DUSP5: variants seen among roughly 807,000 people sequenced by gnomAD.
The protein encoded by DUSP5 is dual specificity phosphatase 5, also known as dual specificity protein phosphatase 5.
A neutral mutation model predicts 33.6 loss-of-function variants in DUSP5; 22 were observed. The ratio of observed to expected loss-of-function variants is 0.66; its 90% CI spans 0.47 to 0.94. The LOEUF (loss-of-function observed/expected upper bound fraction) is 0.94. Among genes scored for constraint, DUSP5 ranks in the 40% least tolerant of loss-of-function variants. DUSP5 has a pLI of 0.00. For missense variants in DUSP5, 551 were observed against 522.1 expected, an observed-to-expected ratio of 1.06 and a Z score of -0.54; for synonymous variants, 270 against 231.1, an observed-to-expected ratio of 1.17 and a Z score of -1.53.
intron 1 of DUSP5, among the ~76,000 whole-genome samples, chr10:110,500,558 C>T (rs990446469): frequency 3.3e-5 from 5 of 152,182 alleles, no homozygotes; most frequent in African/African-American, 4.8e-5. Flanking sequence ...GGGGCAATGC[C>T]TTTTGACACT....
chr10:110,499,619 G>C (rs958067415), intron 1 of DUSP5, among the ~76,000 whole-genome samples: 1 of 152,204 alleles, frequency 6.6e-6, no homozygotes, highest in African/African-American at 2.4e-5. Flanking sequence ...AGATTCTGGA[G>C]ACAGTTCCCC....
intron 1 of DUSP5, among the ~76,000 whole-genome samples, chr10:110,500,541 C>T (rs1860031976): frequency 1.3e-5 from 2 of 152,242 alleles, no homozygotes; most frequent in Non-Finnish European, 1.5e-5. Flanking sequence ...CATCTCAGAT[C>T]TTGGTGGGGG....
rs1860167120 is a variant in DUSP5 at position 110,510,048 on chromosome 10, C to T, written c.777C>T (p.Val259=). The part of the protein sequence containing the change: ...IDCVREKGGK[V]LVHCEAGISR... Reference sequence around the variant, plus strand: ...GTGTCAGGGAAAAGGGAGGCAAGGTCCTGGTCCACTGTGAGGCTGGGATCT... The same window carrying T: ...GTGTCAGGGAAAAGGGAGGCAAGGTTCTGGTCCACTGTGAGGCTGGGATCT... Residue 259 remains valine (V), a synonymous_variant, in exon 4 of 4, where the codon GTC becomes GTT. Transcript: ENST00000369583. The T allele has an allele frequency of 4.3e-6, 7 of 1,609,822 alleles. No individual in the cohort carries two copies. Among genetic ancestry groups the T allele is most frequent in the Non-Finnish European group, 5.9e-6 (7 of 1,176,958 alleles).
chr10:110,504,144 G>A (rs1353727200), intron 2 of DUSP5, among the ~76,000 whole-genome samples: 1 of 152,206 alleles, frequency 6.6e-6, no homozygotes, highest in Non-Finnish European at 1.5e-5. Context: ...TGTTTGGGTT[G>A]TGTTTTCCCC....
chr10:110,509,994 C>G (rs372005583), intron 3 of DUSP5, 26 bp from the exon 4 acceptor site: 12 of 1,555,872 alleles, frequency 7.7e-6, no homozygotes, highest in Non-Finnish European at 1.0e-5. Flanking sequence ...TCCCAACTCA[C>G]TCCCACCATC....
chr10:110,507,990 AC>A (rs2134663810), intron 3 of DUSP5, among the ~76,000 whole-genome samples: 1 of 152,234 alleles, frequency 6.6e-6, no homozygotes, highest in South Asian at 2.1e-4. Flanking sequence ...TCTTTAACAT[AC>A]GTAGTTGTTG....
At position 110,506,935 on chromosome 10, in the gene DUSP5, G is replaced by T; in HGVS notation, c.529G>T (p.Gly177Cys). Residue 177 changes from glycine (G) to cysteine (C), a missense_variant and splice_region_variant, in exon 3 of 4, where the codon GGT becomes TGT. Coordinates refer to ENST00000369583, the MANE Select transcript of DUSP5 (RefSeq NM_004419.4). The stretch of plus-strand genomic sequence containing the variant: ...GATTGTCCTTTGTCCCTGCATCCAG[G>T]GTGGCCCAGTTGAAATCCTTCCCTT... ...NVSYRPAYDQ[G>C]GPVEILPFLY... 1 of 1,614,178 alleles carries T rather than the reference G, an allele frequency of 6.2e-7. No individual in the cohort carries two copies. The highest frequency in any genetic ancestry group is 8.5e-7 in the Non-Finnish European group (1 of 1,179,984).
Position 110,498,339 on chromosome 10 carries a change from C to G in DUSP5, c.218C>G (p.Ala73Gly), listed in dbSNP as rs1554877211. The G allele has an allele frequency of 7.5e-7, 1 of 1,339,808 alleles. No individual in the cohort carries two copies. Among genetic ancestry groups the G allele is most frequent in the African/African-American group, 1.5e-5 (1 of 65,762 alleles). 83.0% of individuals were successfully genotyped at this position (1,339,808 alleles called of 1,614,324 possible). Residue 73 changes from alanine (A) to glycine (G), a missense_variant, in exon 1 of 4, where the codon GCG (alanine) becomes GGG (glycine). Transcript: ENST00000369583. ...GTGCTGCCCGACGAGGCGGCGCGCGCGCGGCTCCTGCAGGAGGGCGGCGGC... is the reference window on the plus strand; with the variant it reads ...GTGCTGCCCGACGAGGCGGCGCGCGGGCGGCTCCTGCAGGAGGGCGGCGGC... ...RYVLPDEAAR[A>G]RLLQEGGGGV...
chr10:110,509,893 G>C, intron 3 of DUSP5, 127 bp from the exon 4 acceptor site: 1 of 1,269,372 alleles, frequency 7.9e-7, no homozygotes, highest in Non-Finnish European at 1.1e-6. Flanking sequence ...GTGTAGTGTA[G>C]GGCCGTGGCT....
Position 110,498,335 on chromosome 10 carries a change from C to G in DUSP5, c.214C>G (p.Arg72Gly). The G allele has an allele frequency of 7.5e-7, 1 of 1,338,468 alleles. No homozygotes were observed. Among genetic ancestry groups the G allele is most frequent in the Non-Finnish European group, 9.5e-7 (1 of 1,048,746 alleles). 82.9% of individuals were successfully genotyped at this position (1,338,468 alleles called of 1,614,324 possible). The change falls in exon 1 of 4, where the codon CGC becomes GGC. Residue 72 changes from arginine (R) to glycine (G), a missense_variant. Coordinates refer to ENST00000369583, the MANE Select transcript of DUSP5 (RefSeq NM_004419.4). ...ARYVLPDEAA[R>G]ARLLQEGGGG... ...CTACGTGCTGCCCGACGAGGCGGCG[C>G]GCGCGCGGCTCCTGCAGGAGGGCGG...
At chr10:110,502,324 G>T (rs1590516039) in intron 1 of DUSP5, among the ~76,000 whole-genome samples, 1 of 152,150 alleles carries the variant, frequency 6.6e-6, no homozygotes, top group Non-Finnish European at 1.5e-5. Flanking sequence ...GCCACTTCAG[G>T]AGCCTGTCTT....
Position 110,500,387 on chromosome 10 carries a change from G to T in DUSP5, c.379+1887G>T, listed in dbSNP as rs74158105. ...TAAATCATGAGAATTGCCAGGTCAAGAATTACATGCATTTTAAGTTTCAGT... is the reference window on the plus strand; with the variant it reads ...TAAATCATGAGAATTGCCAGGTCAATAATTACATGCATTTTAAGTTTCAGT... On this transcript the variant is annotated intron_variant, in intron 1 of 3. Coordinates refer to ENST00000369583, the MANE Select transcript of DUSP5 (RefSeq NM_004419.4). Among the ~76,000 whole-genome samples, 489 of 152,332 alleles carry T rather than the reference G, an allele frequency of 3.2e-3. 5 individuals carry two copies. Among genetic ancestry groups the T allele is most frequent in the African/African-American group, 0.011 (472 of 41,574 alleles).
chr10:110,507,259 T>C, intron 3 of DUSP5, 105 bp downstream of exon 3: 1 of 1,193,290 alleles, frequency 8.4e-7, no homozygotes, highest in Non-Finnish European at 1.2e-6. Flanking sequence ...AAGAAAAGTG[T>C]CTTGTATATG....
At chr10:110,501,773 AT>A (rs1564772845) in intron 1 of DUSP5, among the ~76,000 whole-genome samples, 1 of 152,146 alleles carries the variant, frequency 6.6e-6, no homozygotes, top group Non-Finnish European at 1.5e-5. Context: ...AGCCCTTGGC[AT>A]TCTGAGGGTT....
chr10:110,505,315 T>C (rs993358620), intron 2 of DUSP5, among the ~76,000 whole-genome samples: 4 of 152,132 alleles, frequency 2.6e-5, no homozygotes, highest in Non-Finnish European at 5.9e-5. Flanking sequence ...ATCCGTAAAA[T>C]GGGAATAATG....
rs549377029 is a variant in DUSP5 at position 110,502,200 on chromosome 10, G to A, written c.380-521G>A. Among the ~76,000 whole-genome samples the A allele has an allele frequency of 2.9e-3, 442 of 152,314 alleles. 1 individual carries two copies. The highest frequency in any genetic ancestry group is 4.7e-3 in the Non-Finnish European group (321 of 68,026). Reference sequence around the variant, plus strand: ...TAGCACCTTGGGAGTGAGAAGCAGTGAGGCTGTTTTACTGCCCTGAGTCGA... The same window carrying A: ...TAGCACCTTGGGAGTGAGAAGCAGTAAGGCTGTTTTACTGCCCTGAGTCGA... On this transcript the variant is annotated intron_variant, in intron 1 of 3. Transcript: ENST00000369583.
Position 110,498,071 on chromosome 10 carries a change from G to A in DUSP5, c.-51G>A. The A allele has an allele frequency of 8.8e-7, 1 of 1,138,850 alleles. No individual in the cohort carries two copies. Among genetic ancestry groups the A allele is most frequent in the Non-Finnish European group, 1.1e-6 (1 of 935,302 alleles). The allele number at this position is 1,138,850 out of a possible 1,614,324, so 70.5% of individuals were successfully genotyped here. Reference sequence around the variant, plus strand: ...CCTGGCCGTGGACACCCTGGCCGTGGGCACCCGCGGGGCGCGCGGCGCGGG... The same window carrying A: ...CCTGGCCGTGGACACCCTGGCCGTGAGCACCCGCGGGGCGCGCGGCGCGGG... On this transcript the variant is annotated 5_prime_UTR_variant, in exon 1 of 4. Transcript: ENST00000369583.
At chr10:110,504,249 T>A (rs1195243655) in intron 2 of DUSP5, among the ~76,000 whole-genome samples, 1 of 152,256 alleles carries the variant, frequency 6.6e-6, no homozygotes, top group Non-Finnish European at 1.5e-5. Context: ...AAAGCCCTGA[T>A]GTGTCTTCAA....
intron 3 of DUSP5, 64 bp from the exon 4 acceptor site, chr10:110,509,956 G>C (rs1159404640): frequency 6.6e-7 from 1 of 1,521,092 alleles, no homozygotes; most frequent in Non-Finnish European, 8.8e-7. Flanking sequence ...TTTGATTCTT[G>C]TGTTTTGCCA....
Sources: allele counts gnomAD v4.1 joint callset (sites outside exome capture counted in the v4.1 genomes callset), GRCh38; gene constraint gnomAD v4.1.1; transcripts MANE v1.5; gene names NCBI Gene and HGNC (gene_info 2026-07-23, HGNC 2026-07-21).